SGCZ: variants seen among roughly 807,000 people sequenced by gnomAD.
SGCZ encodes zeta-sarcoglycan.
In SGCZ, 40 loss-of-function variants were observed where a neutral mutation model predicts 41.3. The ratio of observed to expected loss-of-function variants is 0.97; its 90% CI spans 0.75 to 1.26. The LOEUF is 1.26. Ranked by LOEUF, SGCZ falls within the 50% of genes most tolerant of loss-of-function variation. The pLI is 0.00. For missense variants in SGCZ, 552 were observed against 369.8 expected (o/e 1.49, Z -4.04); for synonymous variants, 206 against 137.5 (o/e 1.50, Z -3.49).
intron 3 of SGCZ, among the ~76,000 whole-genome samples, chr8:14,263,131 C>T (rs12548310): frequency 0.12 from 18,270 of 152,102 alleles, 1,218 homozygotes; most frequent in Middle Eastern, 0.17. Flanking sequence ...AGATATTAAA[C>T]ACTACAAACT....
chr8:14,154,589 G>T (rs1282155799), intron 5 of SGCZ, among the ~76,000 whole-genome samples: 1 of 152,140 alleles, frequency 6.6e-6, no homozygotes, highest in Non-Finnish European at 1.5e-5. Context: ...GAAAAGTCAT[G>T]TGCATAATTT....
intron 4 of SGCZ, among the ~76,000 whole-genome samples, chr8:14,231,207 G>C (rs1036054187): frequency 2.0e-5 from 3 of 146,968 alleles, no homozygotes; most frequent in Non-Finnish European, 3.0e-5. Flanking sequence ...AGTGGGGAGA[G>C]AGAGGGGGAA....
At chr8:15,194,185 TCACACACACACA>T (rs34127082) in intron 1 of SGCZ, among the ~76,000 whole-genome samples, 20 of 139,568 alleles carry the variant, frequency 1.4e-4, no homozygotes, top group South Asian at 9.8e-4. Flanking sequence ...CCACCTCTAA[TCACACACACACA>T]CACACACACA....
chr8:14,760,979 C>G (rs970522052), intron 1 of SGCZ, among the ~76,000 whole-genome samples: 3 of 152,086 alleles, frequency 2.0e-5, no homozygotes, highest in African/African-American at 7.2e-5. Context: ...TGTTGGATGT[C>G]AGATGTAGGT....
chr8:14,248,049 G>C (rs1005191752), intron 3 of SGCZ, among the ~76,000 whole-genome samples: 9 of 152,156 alleles, frequency 5.9e-5, no homozygotes, highest in Non-Finnish European at 1.2e-4. Context: ...TATGTCCAAA[G>C]AAATCAAATT....
intron 1 of SGCZ, among the ~76,000 whole-genome samples, chr8:14,740,949 T>G (rs1274269172): frequency 6.6e-6 from 1 of 152,048 alleles, no homozygotes; most frequent in Non-Finnish European, 1.5e-5. Flanking sequence ...AAAACTATTA[T>G]TCTGCAACAT....
intron 2 of SGCZ, among the ~76,000 whole-genome samples, chr8:14,373,538 G>A (rs1000180115): frequency 2.0e-5 from 3 of 152,102 alleles, no homozygotes; most frequent in African/African-American, 7.2e-5. Context: ...GTTCAATCAG[G>A]TAGAACTAGT....
In SGCZ at chr8:14,798,926, G is replaced by C. The variant is rs145190779; in HGVS notation, c.40-244000C>G. Among the ~76,000 whole-genome samples the C allele has an allele frequency of 1.5e-3, 222 of 151,696 alleles. 2 individuals carry two copies. The highest frequency in any genetic ancestry group is 7.0e-3 in the Admixed American group (107 of 15,238). On this transcript the variant is annotated intron_variant, in intron 1 of 7. Transcript: ENST00000382080. Reference sequence around the variant, plus strand: ...TAATTAATAAAAAATCTTTTTACTAGAGAAAAGTCTCATTTCTGCCTACAT... The same window carrying C: ...TAATTAATAAAAAATCTTTTTACTACAGAAAAGTCTCATTTCTGCCTACAT...
intron 2 of SGCZ, among the ~76,000 whole-genome samples, chr8:14,552,583 T>C (rs1044658914): frequency 6.6e-6 from 1 of 152,028 alleles, no homozygotes; most frequent in Non-Finnish European, 1.5e-5. Flanking sequence ...CTTTTAATTA[T>C]CCCCAGGACC....
At chr8:14,144,967 T>C (rs1038767157) in intron 5 of SGCZ, among the ~76,000 whole-genome samples, 1 of 152,066 alleles carries the variant, frequency 6.6e-6, no homozygotes, top group East Asian at 1.9e-4. Context: ...CACAGTAAAA[T>C]AGAACACCAG....
intron 2 of SGCZ, among the ~76,000 whole-genome samples, chr8:14,409,862 C>A (rs532175787): frequency 6.6e-6 from 1 of 152,040 alleles, no homozygotes; most frequent in East Asian, 1.9e-4. Flanking sequence ...CAAATATGAA[C>A]AGTTATTTAT....
At chr8:14,773,775 C>G (rs1323198236) in intron 1 of SGCZ, among the ~76,000 whole-genome samples, 1 of 152,164 alleles carries the variant, frequency 6.6e-6, no homozygotes, top group African/African-American at 2.4e-5. Context: ...AGCAGAGACT[C>G]TTAACCAAGG....
At position 14,163,511 on chromosome 8, in the gene SGCZ, A is replaced by G. The variant is rs192229538; in HGVS notation, c.547+1069T>C. 2.6e-5 allele frequency among the ~76,000 whole-genome samples: 4 copies of G among 152,296 alleles called. No homozygotes were observed. The East Asian group carries it at 7.7e-4, about 29-fold the overall frequency. On this transcript the variant is annotated intron_variant, in intron 5 of 7. Transcript: ENST00000382080. ...CTCTGACATTTGCAGTATCAATATT[A>G]TCATCATTAATAAATATAAAGAGCC...
At chr8:14,905,111 T>C (rs962915882) in intron 1 of SGCZ, among the ~76,000 whole-genome samples, 3 of 152,090 alleles carry the variant, frequency 2.0e-5, no homozygotes, top group Non-Finnish European at 2.9e-5. Context: ...AGGAGAAAAA[T>C]TGATGAATTA....
Position 15,029,739 on chromosome 8 carries a change from G to T in SGCZ, c.39+207846C>A, listed in dbSNP as rs190615446. Among the ~76,000 whole-genome samples, 89 of 152,088 alleles carry T rather than the reference G, an allele frequency of 5.9e-4. 1 individual carries two copies. The highest frequency in any genetic ancestry group is 1.5e-3 in the South Asian group (7 of 4,824). ...TTTCTCTACAAGTTTATCAATTTTT[G>T]ATTATACTTTCTCTGTTTTGGGTAG... On this transcript the variant is annotated intron_variant, in intron 1 of 7. Coordinates refer to ENST00000382080, the MANE Select transcript of SGCZ (RefSeq NM_139167.4).
intron 1 of SGCZ, among the ~76,000 whole-genome samples, chr8:15,110,537 T>C (rs1170303278): frequency 6.6e-6 from 1 of 152,216 alleles, no homozygotes; most frequent in Non-Finnish European, 1.5e-5. Context: ...GGCAAAGGGA[T>C]TAAGTTTCAC....
chr8:14,720,127 TC>T (rs1809833620), intron 1 of SGCZ, among the ~76,000 whole-genome samples: 1 of 152,038 alleles, frequency 6.6e-6, no homozygotes, highest in African/African-American at 2.4e-5. Context: ...TATATTTTTT[TC>T]TTTTCAGACT....
chr8:14,719,857 A>G (rs980333765), intron 1 of SGCZ, among the ~76,000 whole-genome samples: 1 of 151,954 alleles, frequency 6.6e-6, no homozygotes, highest in Non-Finnish European at 1.5e-5. Context: ...TCTTGAGTTT[A>G]ATGAGATCCC....
chr8:14,246,928 A>G (rs1434835819), intron 3 of SGCZ, among the ~76,000 whole-genome samples: 1 of 151,170 alleles, frequency 6.6e-6, no homozygotes, highest in African/African-American at 2.4e-5. Context: ...AAAAAAAAAA[A>G]AAAGTAAAAC....
Sources: allele counts gnomAD v4.1 joint callset (sites outside exome capture counted in the v4.1 genomes callset), GRCh38; gene constraint gnomAD v4.1.1; transcripts MANE v1.5; gene names NCBI Gene and HGNC (gene_info 2026-07-23, HGNC 2026-07-21).